Variants in LMNTD1 observed in about 807,000 individuals in gnomAD.
The protein encoded by LMNTD1 is lamin tail domain-containing protein 1.
A neutral mutation model predicts 50.9 loss-of-function variants in LMNTD1; 35 were observed. That is an observed-to-expected ratio of 0.69 (90% CI 0.53 to 0.91). LMNTD1 has a LOEUF of 0.91. Among genes scored for constraint, LMNTD1 ranks in the 40% least tolerant of loss-of-function variants. The pLI is 0.00. For missense variants in LMNTD1, 470 were observed against 475.5 expected (o/e 0.99, Z 0.11); for synonymous variants, 153 against 161.9 (o/e 0.94, Z 0.42).
At chr12:25,493,417 G>A (rs1273821580) in intron 9 of LMNTD1, among the ~76,000 whole-genome samples, 1 of 152,134 alleles carries the variant, frequency 6.6e-6, no homozygotes, top group Non-Finnish European at 1.5e-5. Flanking sequence ...GGTGGTGCGA[G>A]GAATTAAGAG....
chr12:25,526,252 G>T, intron 5 of LMNTD1, 34 bp from the exon 6 acceptor site: 2 of 1,596,356 alleles, frequency 1.3e-6, no homozygotes, highest in South Asian at 1.1e-5. Flanking sequence ...AATGCCACTG[G>T]AGTTGAACAC....
chr12:25,555,940 G>A (rs1478310347), upstream of LMNTD1, among the ~76,000 whole-genome samples: 1 of 148,208 alleles, frequency 6.7e-6, no homozygotes, highest in Non-Finnish European at 1.5e-5. Flanking sequence ...AAAGGAAGAA[G>A]CAGAGGTGCA....
chr12:25,625,897 G>A (rs1342587994), intron 1 of LMNTD1, among the ~76,000 whole-genome samples: 1 of 152,152 alleles, frequency 6.6e-6, no homozygotes, highest in African/African-American at 2.4e-5. Context: ...GTTCCTCAAG[G>A]TCACAGACTT....
chr12:25,590,947 T>C (rs1334915902), intron 1 of LMNTD1, among the ~76,000 whole-genome samples: 1 of 152,056 alleles, frequency 6.6e-6, no homozygotes, highest in African/African-American at 2.4e-5. Flanking sequence ...GTTGAGGGCC[T>C]TGAGTAAGAC....
chr12:25,622,474 C>CG (rs960380642), intron 1 of LMNTD1, among the ~76,000 whole-genome samples: 13 of 143,104 alleles, frequency 9.1e-5, no homozygotes, highest in Non-Finnish European at 4.7e-5. Context: ...CCCGCCCCCC[C>CG]CCGCAAAATA....
At chr12:25,611,951 T>C (rs1946253814) in intron 1 of LMNTD1, among the ~76,000 whole-genome samples, 1 of 152,222 alleles carries the variant, frequency 6.6e-6, no homozygotes, top group African/African-American at 2.4e-5. Flanking sequence ...TGTGGTGGAA[T>C]TTAAGAGTAA....
chr12:25,570,827 G>T (rs1448915744), intron 1 of LMNTD1, among the ~76,000 whole-genome samples: 1 of 152,160 alleles, frequency 6.6e-6, no homozygotes, highest in African/African-American at 2.4e-5. Context: ...CTCTTTAAAA[G>T]GCTCTGCAGT....
In LMNTD1 at chr12:25,621,265, C is replaced by A. The variant is rs183614700; in HGVS notation, c.58+27229G>T. On this transcript the variant is annotated intron_variant, in intron 1 of 7. Transcript: ENST00000445693. Reference sequence around the variant, plus strand: ...AGAGAGACAGGGTCACACTCTGTCACCCAGGCTGGAGTGCAGTGGCATGAT... The same window carrying A: ...AGAGAGACAGGGTCACACTCTGTCAACCAGGCTGGAGTGCAGTGGCATGAT... Among the ~76,000 whole-genome samples, 25 of 152,238 alleles carry A rather than the reference C, an allele frequency of 1.6e-4. 1 individual carries two copies. The East Asian group carries it at 4.4e-3, about 27-fold the overall frequency.
At chr12:25,554,393 C>T (rs1266311793), upstream of LMNTD1, among the ~76,000 whole-genome samples, 1 of 152,206 alleles carries the variant, frequency 6.6e-6, no homozygotes, top group Non-Finnish European at 1.5e-5. Flanking sequence ...AAATAAAATT[C>T]TGTCAGCTGA....
chr12:25,517,924 T>A (rs1461433224), intron 8 of LMNTD1, among the ~76,000 whole-genome samples: 1 of 152,088 alleles, frequency 6.6e-6, no homozygotes, highest in East Asian at 1.9e-4. Flanking sequence ...TCGTGGTGTC[T>A]TAAAGATCAC....
At position 25,549,352 on chromosome 12, in the gene LMNTD1, C is replaced by G. The variant is rs772695737; in HGVS notation, c.284G>C (p.Ser95Thr). 8 of 1,610,460 alleles carry G rather than the reference C, an allele frequency of 5.0e-6. No homozygotes were observed. The African/African-American group carries it at 1.1e-4, about 22-fold the overall frequency. ...GQLTSKATVG[S>T]CSRVENSLDA... is the part of the protein sequence containing the mutation. ...CAAGCTGTTTTCCACTCTGGAACAGCTACCTACAGTAGCTTTAGAAGTCAA... is the reference window on the plus strand; with the variant it reads ...CAAGCTGTTTTCCACTCTGGAACAGGTACCTACAGTAGCTTTAGAAGTCAA... The change falls in exon 3 of 10, where the codon AGC becomes ACC. Residue 95 changes from serine (S) to threonine (T), a missense_variant. Ser to Thr is a moderately conservative substitution (Grantham distance 58). Coordinates refer to ENST00000458174, the MANE Select transcript of LMNTD1 (RefSeq NM_001145728.2).
At chr12:25,495,448 C>T (rs1195955692) in intron 9 of LMNTD1, among the ~76,000 whole-genome samples, 1 of 151,960 alleles carries the variant, frequency 6.6e-6, no homozygotes, top group African/African-American at 2.4e-5. Flanking sequence ...AATGAAGTAA[C>T]ACTCACAATT....
chr12:25,558,140 C>A (rs916452832), upstream of LMNTD1, among the ~76,000 whole-genome samples: 2 of 152,136 alleles, frequency 1.3e-5, no homozygotes, highest in African/African-American at 4.8e-5. Flanking sequence ...TCTCCTTTTT[C>A]ATCTCTGACT....
intron 1 of LMNTD1, among the ~76,000 whole-genome samples, chr12:25,638,103 T>TA (rs1308094862): frequency 4.6e-5 from 7 of 151,872 alleles, no homozygotes; most frequent in African/African-American, 9.7e-5. Flanking sequence ...ATCACCTCAA[T>TA]AAAAAAACAG....
intron 1 of LMNTD1, among the ~76,000 whole-genome samples, chr12:25,611,710 T>C (rs1467439286): frequency 6.6e-6 from 1 of 152,218 alleles, no homozygotes; most frequent in Non-Finnish European, 1.5e-5. Context: ...GTCATAGCCA[T>C]GAGTACTGCT....
intron 9 of LMNTD1, among the ~76,000 whole-genome samples, chr12:25,490,174 C>T (rs1938837312): frequency 6.6e-6 from 1 of 152,130 alleles, no homozygotes; most frequent in Non-Finnish European, 1.5e-5. Context: ...AAAAAGTTAG[C>T]AAGAAATAAG....
chr12:25,613,431 C>G (rs1183553890), intron 1 of LMNTD1, among the ~76,000 whole-genome samples: 1 of 152,140 alleles, frequency 6.6e-6, no homozygotes, highest in Non-Finnish European at 1.5e-5. Flanking sequence ...AAAACAATAC[C>G]TGATCAATCT....
intron 2 of LMNTD1, among the ~76,000 whole-genome samples, chr12:25,551,356 C>G (rs1456885851): frequency 6.6e-6 from 1 of 152,022 alleles, no homozygotes; most frequent in Non-Finnish European, 1.5e-5. Flanking sequence ...ATAGGGTGTT[C>G]TTATTTTGGT....
In LMNTD1 at chr12:25,523,625, G is replaced by C. The variant is rs537520616; in HGVS notation, c.798+2474C>G. On this transcript the variant is annotated intron_variant, in intron 6 of 9. Transcript: ENST00000458174. ...AAAATTTACCTGGCGGTTGCAGATAGTAATATCCAGTGCTATGAAAGTGAG... is the reference window on the plus strand; with the variant it reads ...AAAATTTACCTGGCGGTTGCAGATACTAATATCCAGTGCTATGAAAGTGAG... Among the ~76,000 whole-genome samples the C allele has an allele frequency of 2.0e-5, 3 of 152,244 alleles. No individual in the cohort carries two copies. In the South Asian group the frequency reaches 6.2e-4, roughly 32 times the overall value.
Sources: gnomAD v4.1 joint callset for allele counts (sites outside exome capture counted in the v4.1 genomes callset) on GRCh38, gnomAD v4.1.1 for gene constraint, MANE v1.5 for transcripts, NCBI Gene and HGNC (gene_info 2026-07-23, HGNC 2026-07-21) for gene names.